The following ZNF594 variants were observed in gnomAD, a reference collection of about 807,000 sequenced individuals.
ZNF594 encodes zinc finger protein 594, also known as zinc finger protein HZF18.
For missense variants in ZNF594, 1,037 were observed against 964.6 expected (o/e 1.08, Z -0.99); for synonymous variants, 336 against 309.4 (o/e 1.09, Z -0.90).
rs770856517 is a variant in ZNF594, at chr17:5,182,586, T to A, written c.1671A>T (p.Gly557=). ...TCGCTTCCTGGTGAATTTTCTGCTC[T>A]CCCCTAAGCTCCTCATCCTGGCTGA... The part of the protein sequence containing the change: ...KTFSQDEELR[G]EQKIHQEAKA... The change falls in exon 2 of 2, where the codon GGA becomes GGT. Residue 557 remains glycine, a synonymous_variant. Transcript: ENST00000575779. 6.2e-6 allele frequency: 10 copies of A among 1,613,336 alleles called. No individual in the cohort carries two copies. Among genetic ancestry groups the A allele is most frequent in the Admixed American group, 1.7e-5 (1 of 59,994 alleles).
Position 5,183,415 on chromosome 17 carries a change from T to C in ZNF594, c.842A>G (p.His281Arg). Residue 281 changes from histidine (H) to arginine (R), a missense_variant, in exon 2 of 2, where the codon CAC becomes CGC. Physicochemically the swap from His to Arg is conservative, Grantham distance 29. Transcript: ENST00000575779. ...GTGAATTCTCTGATGTGGGACAAGG[T>C]GTGAACTTTGACTGAACATCTGTCC... ...DCGQMFSQSS[H>R]LVPHQRIHTG... is the part of the protein sequence containing the mutation. The C allele has an allele frequency of 6.2e-7, 1 of 1,613,838 alleles. No homozygotes were observed. The highest frequency in any genetic ancestry group is 2.2e-5 in the East Asian group (1 of 44,888).
rs61742794 is a variant in ZNF594, at chr17:5,182,893, G to T, written c.1364C>A (p.Thr455Asn). The T allele has an allele frequency of 6.2e-7, 1 of 1,613,962 alleles. No homozygotes were observed. The highest frequency in any genetic ancestry group is 2.2e-5 in the East Asian group (1 of 44,822). Residue 455 changes from threonine (T) to asparagine (N), a missense_variant, in exon 2 of 2, where the codon ACT becomes AAT. Physicochemically the swap from Thr to Asn is moderately conservative, Grantham distance 65. Coordinates refer to ENST00000575779, the MANE Select transcript of ZNF594 (RefSeq NM_032530.2). ...ACTACATTCATAGGGTTTCTCTCCA[G>T]TATGAACACGATGGTGTCTAATAAG... ...SDLIRHHRVH[T>N]GEKPYECSEC...
chr17:5,182,691 C>T lies in ZNF594; in HGVS notation c.1566G>A (p.Gly522=), dbSNP rs770393853. 1.9e-6 allele frequency: 3 copies of T among 1,614,004 alleles called. No homozygotes were observed. The highest frequency in any genetic ancestry group is 1.1e-5 in the South Asian group (1 of 91,070). The change falls in exon 2 of 2, where the codon GGG becomes GGA. Residue 522 remains glycine (G), a synonymous_variant. Coordinates refer to ENST00000575779, the MANE Select transcript of ZNF594 (RefSeq NM_032530.2). ...AAGCTGTGCGCCAAATGAAGAGCTT[C>T]CCACATTCCTTACATTCATAGGGTT... is the stretch of plus-strand genomic sequence containing the variant. ...GEKPYECKEC[G]KLFIWRTAFL... is the part of the protein sequence containing the mutation.
chr17:5,183,715 T>G lies in ZNF594; in HGVS notation c.542A>C (p.Lys181Thr). ...TCCACATTCATGACATATATAAGGT[T>G]TCTTTCCTGTATGAATTCTCTGATG... is the stretch of plus-strand genomic sequence containing the variant. ...IIHQRIHTGK[K>T]PYICHECGKD... The change falls in exon 2 of 2, where the codon AAA (lysine) becomes ACA (threonine). Residue 181 changes from lysine (K) to threonine (T), a missense_variant. Lys to Thr is a moderately conservative substitution (Grantham distance 78). Transcript: ENST00000575779. 2 of 1,613,452 alleles carry G rather than the reference T, an allele frequency of 1.2e-6. No homozygotes were observed. The highest frequency in any genetic ancestry group is 1.7e-6 in the Non-Finnish European group (2 of 1,179,856).
downstream of ZNF594, among the ~76,000 whole-genome samples, chr17:5,176,806 T>C (rs2074311085): frequency 6.6e-6 from 1 of 151,462 alleles, no homozygotes; most frequent in African/African-American, 2.4e-5. Context: ...TTCTCAAGAA[T>C]TAAAAACGAT....
intron 1 of ZNF594, among the ~76,000 whole-genome samples, chr17:5,188,372 G>C (rs943736683): frequency 6.6e-6 from 1 of 150,638 alleles, no homozygotes; most frequent in Non-Finnish European, 1.5e-5. Flanking sequence ...CTCTAGATTT[G>C]ATGAGGCGTT....
Position 5,181,077 on chromosome 17 carries a change from G to T in ZNF594, c.*756C>A, listed in dbSNP as rs1567823798. ...GCTACATTCAAAGGGTTTCTCTCTG[G>T]TATGAATTCTTTGATGACTGACAAG... On this transcript the variant is annotated 3_prime_UTR_variant, in exon 2 of 2. Coordinates refer to ENST00000575779, the MANE Select transcript of ZNF594 (RefSeq NM_032530.2). 1 of 1,369,302 alleles carries T rather than the reference G, an allele frequency of 7.3e-7. No individual in the cohort carries two copies. Among genetic ancestry groups the T allele is most frequent in the Non-Finnish European group, 1.0e-6 (1 of 967,510 alleles). 84.8% of individuals were successfully genotyped at this position (1,369,302 alleles called of 1,614,324 possible). A position where few individuals can be genotyped will look rare whatever the true frequency, so the allele number is the denominator to read the frequency against.
Position 5,181,931 on chromosome 17 carries a change from G to A in ZNF594, c.2326C>T (p.Leu776Phe). 4 of 1,613,958 alleles carry A rather than the reference G, an allele frequency of 2.5e-6. No individual in the cohort carries two copies. Among genetic ancestry groups the A allele is most frequent in the Non-Finnish European group, 3.4e-6 (4 of 1,180,020 alleles). ...CSRTFQGSSD[L>F]IRHQVTHTRE... Reference sequence around the variant, plus strand: ...GTATGAGTTACCTGATGTCTGATGAGATCTGAGCTGCCCTGGAAGGTCCTA... The same window carrying A: ...GTATGAGTTACCTGATGTCTGATGAAATCTGAGCTGCCCTGGAAGGTCCTA... The change falls in exon 2 of 2, where the codon CTC becomes TTC. Residue 776 changes from leucine (L) to phenylalanine (F), a missense_variant. By Grantham distance (22) the Leu-to-Phe change is conservative. Coordinates refer to ENST00000575779, the MANE Select transcript of ZNF594 (RefSeq NM_032530.2).
Position 5,182,245 on chromosome 17 carries a change from T to C in ZNF594, c.2012A>G (p.Gln671Arg), listed in dbSNP as rs2074348528. 6.2e-7 allele frequency: 1 copy of C among 1,613,662 alleles called. No individual in the cohort carries two copies. The highest frequency in any genetic ancestry group is 8.5e-7 in the Non-Finnish European group (1 of 1,180,004). ...GGGTTTCTCTCCAGTATGGATTTTC[T>C]GGTGTGTAGCAAGGTGTGACCTCTG... ...FSQRSHLATH[Q>R]KIHTGEKPYQ... The change falls in exon 2 of 2, where the codon CAG (glutamine) becomes CGG (arginine). Residue 671 changes from glutamine to arginine, a missense_variant. Gln to Arg is a conservative substitution (Grantham distance 43, BLOSUM62 1). Transcript: ENST00000575779.
chr17:5,185,559 CA>C (rs1162769230), intron 1 of ZNF594, among the ~76,000 whole-genome samples: 1 of 152,184 alleles, frequency 6.6e-6, no homozygotes, highest in East Asian at 1.9e-4. Context: ...TATGTCCTCA[CA>C]TTTCAAAACC....
At chr17:5,177,876 C>T (rs1162314363), downstream of ZNF594, among the ~76,000 whole-genome samples, 1 of 151,968 alleles carries the variant, frequency 6.6e-6, no homozygotes, top group Admixed American at 6.6e-5. Context: ...AAAACGGACA[C>T]AGAAATAACA....
the ZNF594 span, chr17:5,174,315 T>C: frequency 1.1e-5 from 2 of 189,778 alleles, no homozygotes; most frequent in Admixed American, 6.2e-5. Flanking sequence ...TTTATTCATT[T>C]AGACCCTGCA....
intron 1 of ZNF594, among the ~76,000 whole-genome samples, chr17:5,186,702 G>A (rs2074388514): frequency 6.6e-6 from 1 of 152,164 alleles, no homozygotes; most frequent in African/African-American, 2.4e-5. Context: ...CAGGACCCAA[G>A]TCACACCTTG....
intron 1 of ZNF594, among the ~76,000 whole-genome samples, chr17:5,189,094 CA>C (rs919241645): frequency 1.3e-3 from 180 of 133,906 alleles, no homozygotes; most frequent in Admixed American, 1.6e-3. Context: ...GTCATGTAGC[CA>C]AAAAAAAAAA....
chr17:5,181,886 A>G lies in ZNF594; in HGVS notation c.2371T>C (p.Cys791Arg). ...GATTGAGTTTTCCCACATTCTTTACATTCATATGGTTTCTCTCTTGTATGA... is the reference window on the plus strand; with the variant it reads ...GATTGAGTTTTCCCACATTCTTTACGTTCATATGGTTTCTCTCTTGTATGA... ...VTHTREKPYE[C>R]KECGKTQSEL... The change falls in exon 2 of 2, where the codon TGT (cysteine) becomes CGT (arginine). Residue 791 changes from cysteine to arginine, a missense_variant. Coordinates refer to ENST00000575779, the MANE Select transcript of ZNF594 (RefSeq NM_032530.2). 1 of 1,613,878 alleles carries G rather than the reference A, an allele frequency of 6.2e-7. No homozygotes were observed.
At chr17:5,188,185 G>C (rs1053729837) in intron 1 of ZNF594, among the ~76,000 whole-genome samples, 1 of 142,576 alleles carries the variant, frequency 7.0e-6, no homozygotes, top group African/African-American at 2.6e-5. Context: ...TTTTTGGTTC[G>C]ATATACATAT....
chr17:5,176,271 T>C (rs925067872), downstream of ZNF594, among the ~76,000 whole-genome samples: 2 of 151,876 alleles, frequency 1.3e-5, no homozygotes, highest in African/African-American at 4.8e-5. Context: ...GGTGCATGCC[T>C]GTAATCCCAG....
intron 1 of ZNF594, among the ~76,000 whole-genome samples, chr17:5,188,508 T>G (rs1273713416): frequency 1.3e-5 from 2 of 152,058 alleles, no homozygotes; most frequent in African/African-American, 2.4e-5. Context: ...TAAGATAAAT[T>G]TGTGGGATGT....
chr17:5,189,053 T>G (rs1206892052), intron 1 of ZNF594, among the ~76,000 whole-genome samples: 1 of 151,160 alleles, frequency 6.6e-6, no homozygotes, highest in Non-Finnish European at 1.5e-5. Context: ...AGCCAAAAAT[T>G]TGACATTTTT....
Sources: allele counts gnomAD v4.1 joint callset (sites outside exome capture counted in the v4.1 genomes callset), GRCh38; gene constraint gnomAD v4.1.1; transcripts MANE v1.5; gene names NCBI Gene and HGNC (gene_info 2026-07-23, HGNC 2026-07-21).